CAMK2G: variants seen among roughly 807,000 people sequenced by gnomAD.
The protein encoded by CAMK2G is calcium/calmodulin dependent protein kinase II gamma, also known as calcium/calmodulin-dependent protein kinase type II subunit gamma.
In CAMK2G, 23 loss-of-function variants were observed where a neutral mutation model predicts 88.7. The observed-to-expected ratio is 0.26, with a 90% CI of 0.19 to 0.37. The LOEUF is 0.37. CAMK2G is among the 10% of genes least tolerant of loss of function. CAMK2G has a pLI of 1.00. For missense variants in CAMK2G, 476 were observed against 780.8 expected, an observed-to-expected ratio of 0.61 and a Z score of 4.65; for synonymous variants, 263 against 294.8, an observed-to-expected ratio of 0.89 and a Z score of 1.11.
chr10:73,816,718 CAA>C (rs2085661587), intron 21 of CAMK2G: 37 of 1,298,192 alleles, frequency 2.9e-5, no homozygotes, highest in Non-Finnish European at 3.7e-5. Context: ...CTCAGCCTCC[CAA>C]AGTGTTGGGA....
chr10:73,847,574 G>C (rs1175629778), intron 9 of CAMK2G, among the ~76,000 whole-genome samples: 6 of 152,306 alleles, frequency 3.9e-5, no homozygotes, highest in African/African-American at 1.4e-4. Context: ...CATCAGATTA[G>C]AGCGGGAAGG....
chr10:73,860,724 G>T, intron 3 of CAMK2G, 106 bp downstream of exon 3: 1 of 828,398 alleles, frequency 1.2e-6, no homozygotes, highest in South Asian at 1.4e-5. Flanking sequence ...ACAGACACCA[G>T]GTGAAGGTCC....
Position 73,839,015 on chromosome 10 carries a change from G to C in CAMK2G, c.1009+524C>G, listed in dbSNP as rs1431280597. Among the ~76,000 whole-genome samples, 2 of 152,202 alleles carry C rather than the reference G, an allele frequency of 1.3e-5. No individual in the cohort carries two copies. The highest frequency in any genetic ancestry group is 4.8e-5 in the African/African-American group (2 of 41,440). ...GTGAGGAATTAAGGCTGGGAGAGCT[G>C]GTGTGACTCGCTCAGGGTGTGGCAG... On this transcript the variant is annotated intron_variant, in intron 13 of 22. Coordinates refer to ENST00000423381, the MANE Select transcript of CAMK2G (RefSeq NM_001367534.1). This position sits in a 1 kb window ranked among gnomAD's most constrained non-coding sequence, Gnocchi z 4.2.
chr10:73,815,476 A>G (rs573156893), intron 21 of CAMK2G, among the ~76,000 whole-genome samples: 1 of 151,264 alleles, frequency 6.6e-6, no homozygotes, highest in Non-Finnish European at 1.5e-5. Flanking sequence ...CAGTGACAGT[A>G]CCTGCTGCGC....
chr10:73,837,595 G>T, intron 13 of CAMK2G, 84 bp from the exon 14 acceptor site: 1 of 1,110,108 alleles, frequency 9.0e-7, no homozygotes, highest in Non-Finnish European at 1.4e-6. Context: ...CCACAAGAGA[G>T]TGCTGTGTCT....
intron 13 of CAMK2G, 52 bp from the exon 14 acceptor site, chr10:73,837,563 A>G (rs1565310493): frequency 6.3e-6 from 9 of 1,438,830 alleles, no homozygotes; most frequent in South Asian, 2.3e-5. Flanking sequence ...CCTCTCCCCA[A>G]CCTGAAGTCC....
intron 10 of CAMK2G, 192 bp downstream of exon 10, chr10:73,847,033 C>A: frequency 1.7e-6 from 1 of 576,658 alleles, no homozygotes. Context: ...AGTGGCCCAC[C>A]AGCCCCATCA....
chr10:73,858,074 C>T (rs539383659), intron 3 of CAMK2G, among the ~76,000 whole-genome samples: 27 of 152,310 alleles, frequency 1.8e-4, no homozygotes, highest in African/African-American at 6.3e-4. Flanking sequence ...ATCATCATTA[C>T]CCAAAGTCCA....
chr10:73,870,068 C>T (rs2095762913), intron 2 of CAMK2G, among the ~76,000 whole-genome samples: 1 of 152,234 alleles, frequency 6.6e-6, no homozygotes, highest in South Asian at 2.1e-4. Context: ...AATCTGTATG[C>T]ATATGAATAA....
In CAMK2G at chr10:73,848,924, G is replaced by T. The variant is rs1008767888; in HGVS notation, c.517+89C>A. On this transcript the variant is annotated intron_variant, in intron 7 of 22. Coordinates refer to ENST00000423381, the MANE Select transcript of CAMK2G (RefSeq NM_001367534.1). This position sits in a 1 kb window ranked among gnomAD's most constrained non-coding sequence, Gnocchi z 4.5. The stretch of plus-strand genomic sequence containing the variant: ...ATCTCGGAGGCCAGGACCATTAAGG[G>T]TCTGGCTTCTAGTTCTAATAGAGGA... 10 of 866,382 alleles carry T rather than the reference G, an allele frequency of 1.2e-5. No individual in the cohort carries two copies. In the African/African-American group the frequency reaches 1.3e-4, roughly 11 times the overall value. The allele number at this position is 866,382 out of a possible 1,614,324, so 53.7% of individuals were successfully genotyped here. A position where few individuals can be genotyped will look rare whatever the true frequency, so the allele number is the denominator to read the frequency against.
intron 5 of CAMK2G, among the ~76,000 whole-genome samples, chr10:73,850,986 G>A (rs913905069): frequency 2.0e-5 from 3 of 152,126 alleles, no homozygotes; most frequent in Admixed American, 1.3e-4. Flanking sequence ...CCCCCCTCAG[G>A]GCCCCCTCCC....
At position 73,853,375 on chromosome 10, in the gene CAMK2G, G is replaced by A. The variant is rs917230678; in HGVS notation, c.221-129C>T. On this transcript the variant is annotated intron_variant, in intron 3 of 22. Coordinates refer to ENST00000423381, the MANE Select transcript of CAMK2G (RefSeq NM_001367534.1). The stretch of plus-strand genomic sequence containing the variant: ...GGGCTCTCCAGAAGGAGCAGTGGGG[G>A]GAAGTGGCGACGTGCCCAGTGCCCC... The A allele has an allele frequency of 2.7e-5, 21 of 791,236 alleles. No individual in the cohort carries two copies. The African/African-American group carries it at 3.3e-4, about 12-fold the overall frequency. The allele number at this position is 791,236 out of a possible 1,614,324, so 49.0% of individuals were successfully genotyped here. A position where few individuals can be genotyped will look rare whatever the true frequency, so the allele number is the denominator to read the frequency against.
chr10:73,855,537 C>CATGCCCCACACCACCCT (rs1208369360), intron 3 of CAMK2G, among the ~76,000 whole-genome samples: 2 of 152,200 alleles, frequency 1.3e-5, no homozygotes, highest in Non-Finnish European at 2.9e-5. Flanking sequence ...AACACCACCC[C>CATGCCCCACACCACCCT]ATGCCCCACA....
intron 2 of CAMK2G, among the ~76,000 whole-genome samples, chr10:73,870,297 C>T (rs186515221): frequency 3.1e-4 from 47 of 152,324 alleles, no homozygotes; most frequent in African/African-American, 8.2e-4. Context: ...ACTCCTATCA[C>T]GGTTCTGAAG....
intron 15 of CAMK2G, among the ~76,000 whole-genome samples, chr10:73,827,309 C>G (rs1398527936): frequency 6.6e-6 from 1 of 152,258 alleles, no homozygotes; most frequent in Admixed American, 6.5e-5. Context: ...GCCTCAGCCT[C>G]CTGAGTAGCT....
intron 2 of CAMK2G, among the ~76,000 whole-genome samples, chr10:73,871,455 A>G (rs2095826845): frequency 6.6e-6 from 1 of 152,198 alleles, no homozygotes; most frequent in Non-Finnish European, 1.5e-5. Context: ...TGAAGAGAGC[A>G]AAGCATTGCA....
chr10:73,832,079 T>C (rs1329493794), intron 14 of CAMK2G, among the ~76,000 whole-genome samples: 1 of 151,672 alleles, frequency 6.6e-6, no homozygotes, highest in African/African-American at 2.4e-5. Flanking sequence ...AAAAAAATAG[T>C]ATTTAAAAAA....
At position 73,848,882 on chromosome 10, in the gene CAMK2G, G is replaced by T; in HGVS notation, c.517+131C>A. 1 of 741,754 alleles carries T rather than the reference G, an allele frequency of 1.3e-6. No homozygotes were observed. Among genetic ancestry groups the T allele is most frequent in the Non-Finnish European group, 2.5e-6 (1 of 403,722 alleles). 45.9% of individuals were successfully genotyped at this position (741,754 alleles called of 1,614,324 possible). On this transcript the variant is annotated intron_variant, in intron 7 of 22. Coordinates refer to ENST00000423381, the MANE Select transcript of CAMK2G (RefSeq NM_001367534.1). This position sits in a 1 kb window ranked among gnomAD's most constrained non-coding sequence, Gnocchi z 4.5. ...ACAGCTAGACTTACTGTACTGAGTCGCGTACGGCCAAGAGAGATCTCGGAG... is the reference window on the plus strand; with the variant it reads ...ACAGCTAGACTTACTGTACTGAGTCTCGTACGGCCAAGAGAGATCTCGGAG...
rs2084901068 is a variant in CAMK2G, at chr10:73,814,814, T to G, written c.*12+189A>C. 2.4e-5 allele frequency: 14 copies of G among 582,888 alleles called. No individual in the cohort carries two copies. The South Asian group carries it at 2.7e-4, about 11-fold the overall frequency. 36.1% of individuals were successfully genotyped at this position (582,888 alleles called of 1,614,324 possible). ...CTGTCTGAGGTCATCCAATTTGGAG[T>G]CACGGAGCCAGACCCTAGTCTGTCT... On this transcript the variant is annotated intron_variant, in intron 22 of 22. Transcript: ENST00000423381.
Sources: allele counts gnomAD v4.1 joint callset (sites outside exome capture counted in the v4.1 genomes callset), GRCh38; gene constraint gnomAD v4.1.1; non-coding constraint Gnocchi (gnomAD v3.1); transcripts MANE v1.5; gene names NCBI Gene and HGNC (gene_info 2026-07-23, HGNC 2026-07-21).